Variants in ZNF91 observed in about 807,000 individuals in gnomAD.
ZNF91 encodes zinc finger protein 91 (HPF7, HTF10).
Under a neutral mutation model 12.6 loss-of-function variants are expected in ZNF91, and 7 were observed. The observed-to-expected ratio is 0.55, with a 90% CI of 0.31 to 1.04. ZNF91 has a LOEUF of 1.04. ZNF91 is among the 50% of genes least tolerant of loss of function. The probability of loss-of-function intolerance (pLI) is 0.05; values close to 1 mark genes in which losing one functional copy is unlikely to be tolerated. For missense variants in ZNF91, 1,217 were observed against 1,385.4 expected, an observed-to-expected ratio of 0.88 and a Z score of 1.93; for synonymous variants, 453 against 462.6, an observed-to-expected ratio of 0.98 and a Z score of 0.27.
downstream of ZNF91, among the ~76,000 whole-genome samples, chr19:23,356,718 A>G (rs914510669): frequency 6.6e-6 from 1 of 151,638 alleles, no homozygotes; most frequent in East Asian, 1.9e-4. Context: ...ACCTGTACAT[A>G]AGTAACTTAT....
chr19:23,339,185 T>C (rs1968076097), intron 3 of ZNF91: 1 of 151,856 alleles, frequency 6.6e-6, no homozygotes, highest in Non-Finnish European at 1.5e-5. Flanking sequence ...GGGGAATATA[T>C]TAACACAAAC....
chr19:23,383,955 C>T (rs186259838), intron 1 of ZNF91, among the ~76,000 whole-genome samples: 1 of 152,126 alleles, frequency 6.6e-6, no homozygotes, highest in Admixed American at 6.5e-5. Context: ...ACTAAAAATA[C>T]AAAAATTAGC....
At chr19:23,374,511 G>A in intron 2 of ZNF91, 127 bp downstream of exon 2, 4 of 988,036 alleles carry the variant, frequency 4.0e-6, no homozygotes, top group Non-Finnish European at 5.5e-6. Flanking sequence ...AATGAGCCAA[G>A]ATCTCGCCAC....
In ZNF91 at chr19:23,359,910, T is replaced by A. The variant is rs369436191; in HGVS notation, c.3069A>T (p.Lys1023Asn). 114 of 1,584,426 alleles carry A rather than the reference T, an allele frequency of 7.2e-5. No individual in the cohort carries two copies. The African/African-American group carries it at 1.5e-3, about 20-fold the overall frequency. Reference protein sequence around the residue: ...TRMHTGEKPYKCEECGKAFNR... With the variant: ...TRMHTGEKPYNCEECGKAFNR... ...TAAAAGCTTTGCCACATTCTTCACA[T>A]TTGTATGGTTTCTCTCCAGTGTGCA... The change falls in exon 4 of 4, where the codon AAA (lysine) becomes AAT (asparagine). Residue 1023 changes from lysine to asparagine, a missense_variant. Around this residue, in one of 2 missense-constraint regions of ZNF91, gnomAD observed 491 missense variants for 489.8 expected, o/e 1.00. Coordinates refer to ENST00000300619, the MANE Select transcript of ZNF91 (RefSeq NM_003430.4).
exon 4 of ZNF91, chr19:23,305,128 T>C (rs1047354482): frequency 6.6e-6 from 1 of 152,218 alleles, no homozygotes; most frequent in Non-Finnish European, 1.5e-5. Context: ...AAATTGAAGA[T>C]AGACTGCAAT....
intron 1 of ZNF91, among the ~76,000 whole-genome samples, chr19:23,389,682 C>G (rs1969996398): frequency 6.6e-6 from 1 of 152,100 alleles, no homozygotes; most frequent in Admixed American, 6.6e-5. Flanking sequence ...TTCCTGGACA[C>G]CCAGAGGTTT....
chr19:23,323,416 A>C (rs564175434), intron 1 of ZNF91, among the ~76,000 whole-genome samples: 23 of 103,774 alleles, frequency 2.2e-4, no homozygotes, highest in South Asian at 9.4e-4. Context: ...CTTTGTTCCT[A>C]CTTTCCTCCT....
At chr19:23,369,421 G>A (rs1464944086) in intron 3 of ZNF91, among the ~76,000 whole-genome samples, 18 of 151,914 alleles carry the variant, frequency 1.2e-4, no homozygotes, top group Admixed American at 3.9e-4. Flanking sequence ...TGCCCCGTCC[G>A]GGAGGTGGAG....
rs990812999 is a variant in ZNF91 at position 23,361,206 on chromosome 19, T to G, written c.1773A>C (p.Thr591=). 3 of 1,613,618 alleles carry G rather than the reference T, an allele frequency of 1.9e-6. No homozygotes were observed. Among genetic ancestry groups the G allele is most frequent in the Non-Finnish European group, 2.5e-6 (3 of 1,179,784 alleles). The stretch of plus-strand genomic sequence containing the variant: ...TCTCTCCAGTATGAATTATCTTATG[T>G]GTAGAAAGACTTGAGGAATGATTAA... ...KAFNHSSSLS[T]HKIIHTGEKS... The change falls in exon 4 of 4, where the codon ACA becomes ACC. Residue 591 remains threonine, a synonymous_variant. Coordinates refer to ENST00000300619, the MANE Select transcript of ZNF91 (RefSeq NM_003430.4).
At chr19:23,379,163 C>T (rs896284588) in intron 1 of ZNF91, among the ~76,000 whole-genome samples, 8 of 152,132 alleles carry the variant, frequency 5.3e-5, no homozygotes, top group African/African-American at 1.9e-4. Context: ...AATAAGCCAG[C>T]AAGAGAGACT....
intron 3 of ZNF91, among the ~76,000 whole-genome samples, chr19:23,345,143 C>T (rs547136260): frequency 6.6e-6 from 1 of 152,248 alleles, no homozygotes; most frequent in Non-Finnish European, 1.5e-5. Context: ...CATTTGATCC[C>T]GTTCTAGGAA....
chr19:23,390,660 G>A (rs1212097899), intron 1 of ZNF91, among the ~76,000 whole-genome samples: 2 of 151,980 alleles, frequency 1.3e-5, no homozygotes, highest in Non-Finnish European at 2.9e-5. Context: ...GGTGGGCCAA[G>A]CAATACTCTT....
chr19:23,343,677 G>C (rs1221346219), intron 3 of ZNF91, among the ~76,000 whole-genome samples: 1 of 151,816 alleles, frequency 6.6e-6, no homozygotes, highest in Non-Finnish European at 1.5e-5. Flanking sequence ...GTAGACAGGA[G>C]GGGAAGAGAG....
intron 2 of ZNF91, chr19:23,308,792 C>T (rs1461205679): frequency 6.6e-6 from 1 of 152,154 alleles, no homozygotes; most frequent in Non-Finnish European, 1.5e-5. Flanking sequence ...CAAGGTGACT[C>T]TCTTTTCCTG....
chr19:23,337,990 T>C (rs992307249), downstream of ZNF91: 1 of 152,104 alleles, frequency 6.6e-6, no homozygotes, highest in Non-Finnish European at 1.5e-5. Flanking sequence ...GAATGAAGAC[T>C]TTGTTTCCAA....
intron 1 of ZNF91, among the ~76,000 whole-genome samples, chr19:23,323,424 C>A (rs947034156): frequency 6.7e-6 from 1 of 149,876 alleles, no homozygotes; most frequent in East Asian, 2.0e-4. Flanking sequence ...CTACTTTCCT[C>A]CTTCTCCCCA....
At chr19:23,366,664 G>A (rs1401376648) in intron 3 of ZNF91, among the ~76,000 whole-genome samples, 1 of 152,204 alleles carries the variant, frequency 6.6e-6, no homozygotes, top group Non-Finnish European at 1.5e-5. Flanking sequence ...ATAACAGACA[G>A]AGCAAGTACG....
At chr19:23,376,907 A>G (rs1053411743) in intron 1 of ZNF91, among the ~76,000 whole-genome samples, 6 of 152,096 alleles carry the variant, frequency 3.9e-5, no homozygotes. Context: ...TGGACTAATT[A>G]TGTCTGCATT....
At chr19:23,374,493 G>A (rs1488811653) in intron 2 of ZNF91, 145 bp downstream of exon 2, 1 of 819,302 alleles carries the variant, frequency 1.2e-6, no homozygotes, top group Non-Finnish European at 1.7e-6. Context: ...CTGGGAGGCA[G>A]AGCTTGCAAT....
Sources: gnomAD v4.1 joint callset for allele counts (sites outside exome capture counted in the v4.1 genomes callset) on GRCh38, gnomAD v4.1.1 for gene constraint, gnomAD v4.1.1 regional missense constraint, MANE v1.5 for transcripts, NCBI Gene and HGNC (gene_info 2026-07-23, HGNC 2026-07-21) for gene names.